PCDHA1: variants seen among roughly 807,000 people sequenced by gnomAD.
PCDHA1 encodes protocadherin alpha 1.
In PCDHA1, 42 loss-of-function variants were observed where a neutral mutation model predicts 61.3. The observed-to-expected ratio is 0.69, with a 90% CI of 0.54 to 0.89. The LOEUF (loss-of-function observed/expected upper bound fraction) is 0.89. Among genes scored for constraint, PCDHA1 ranks in the 40% least tolerant of loss-of-function variants. The pLI is 0.00. For missense variants in PCDHA1, 1,256 were observed against 1,235.3 expected, an observed-to-expected ratio of 1.02 and a Z score of -0.25; for synonymous variants, 610 against 553.8, an observed-to-expected ratio of 1.10 and a Z score of -1.43.
At chr5:140,921,777 C>G (rs1434211783) in intron 1 of PCDHA1, among the ~76,000 whole-genome samples, 1 of 152,030 alleles carries the variant, frequency 6.6e-6, no homozygotes, top group Non-Finnish European at 1.5e-5. Flanking sequence ...TCAATACTGA[C>G]TTGGATGTTC....
rs1255699815 is a variant in PCDHA1, at chr5:140,984,173, C to T, written c.2542+1610C>T. On this transcript the variant is annotated intron_variant, in intron 3 of 3. Transcript: ENST00000504120. The stretch of plus-strand genomic sequence containing the variant: ...AGGTGAGAACTTCCCAAAGAAGCCA[C>T]GTGAAATCATGACTTTCTACCTTGC... Among the ~76,000 whole-genome samples, 5 of 152,166 alleles carry T rather than the reference C, an allele frequency of 3.3e-5. No individual in the cohort carries two copies. The South Asian group carries it at 6.2e-4, about 19-fold the overall frequency.
chr5:140,854,230 A>G (rs2043046050), intron 1 of PCDHA1: 3 of 629,370 alleles, frequency 4.8e-6, no homozygotes, highest in Admixed American at 1.3e-4. Flanking sequence ...CTACATTGGG[A>G]TATTTATGTT....
At chr5:140,823,280 C>T (rs150026852) in intron 1 of PCDHA1, 1 of 1,612,450 alleles carries the variant, frequency 6.2e-7, no homozygotes, top group Non-Finnish European at 8.5e-7. Context: ...GGCGAGCGCC[C>T]GCTGTCGAGT....
intron 1 of PCDHA1, chr5:140,969,064 C>G: frequency 6.2e-7 from 1 of 1,614,136 alleles, no homozygotes; most frequent in Non-Finnish European, 8.5e-7. Context: ...ATATTGATGC[C>G]AGGATACCGC....
chr5:140,787,617 G>T lies in PCDHA1; in HGVS notation c.1327G>T (p.Val443Leu). 3 of 1,614,120 alleles carry T rather than the reference G, an allele frequency of 1.9e-6. No individual in the cohort carries two copies. The highest frequency in any genetic ancestry group is 2.5e-6 in the Non-Finnish European group (3 of 1,180,006). ...PSLWATARVSVEVADVNDNAP... is the reference protein window; with the variant it reads ...PSLWATARVSLEVADVNDNAP... Reference sequence around the variant, plus strand: ...GCTGTGGGCCACGGCCAGGGTGTCCGTGGAGGTGGCCGACGTGAATGACAA... The same window carrying T: ...GCTGTGGGCCACGGCCAGGGTGTCCTTGGAGGTGGCCGACGTGAATGACAA... The change falls in exon 1 of 4, where the codon GTG (valine) becomes TTG (leucine). Residue 443 changes from valine to leucine, a missense_variant. Physicochemically the swap from Val to Leu is conservative, Grantham distance 32. Coordinates refer to ENST00000504120, the MANE Select transcript of PCDHA1 (RefSeq NM_018900.4).
rs143144725 is a variant in PCDHA1 at position 140,850,029 on chromosome 5, G to A, written c.2394+61345G>A. Reference sequence around the variant, plus strand: ...GCTGTCGAGCTACGTGTCAGTGCACGCGGAGAGCGGCAAGGTGTACGCGCT... The same window carrying A: ...GCTGTCGAGCTACGTGTCAGTGCACACGGAGAGCGGCAAGGTGTACGCGCT... On this transcript the variant is annotated intron_variant, in intron 1 of 3. Coordinates refer to ENST00000504120, the MANE Select transcript of PCDHA1 (RefSeq NM_018900.4). 1.3e-4 allele frequency: 205 copies of A among 1,596,756 alleles called. 11 individuals carry two copies. In the African/African-American group the frequency reaches 2.2e-3, roughly 17 times the overall value.
chr5:140,869,428 A>T, intron 1 of PCDHA1: 1 of 1,614,214 alleles, frequency 6.2e-7, no homozygotes, highest in Non-Finnish European at 8.5e-7. Context: ...CCTGGAGGTG[A>T]TCGTGGACAG....
At chr5:140,883,018 G>A (rs1400637236) in intron 1 of PCDHA1, 4 of 1,614,086 alleles carry the variant, frequency 2.5e-6, no homozygotes, top group Admixed American at 1.7e-5. Flanking sequence ...ATAAAGTGAC[G>A]GTGTTAGAGA....
chr5:140,831,383 A>G (rs1416445825), intron 1 of PCDHA1, among the ~76,000 whole-genome samples: 1 of 151,732 alleles, frequency 6.6e-6, no homozygotes, highest in South Asian at 2.1e-4. Flanking sequence ...TGTGTGTGAC[A>G]GGGTCTTGCT....
intron 1 of PCDHA1, chr5:140,830,398 C>G: frequency 1.9e-6 from 3 of 1,614,184 alleles, no homozygotes; most frequent in Non-Finnish European, 2.5e-6. Context: ...AGATGGATCT[C>G]ATGGCCTTTA....
chr5:140,850,741 C>A, intron 1 of PCDHA1: 1 of 1,597,822 alleles, frequency 6.3e-7, no homozygotes, highest in Non-Finnish European at 8.6e-7. Context: ...GGGAGTTGGT[C>A]GTACTCGCAG....
At chr5:140,977,246 C>T (rs939682133) in intron 1 of PCDHA1, among the ~76,000 whole-genome samples, 1 of 152,172 alleles carries the variant, frequency 6.6e-6, no homozygotes, top group Non-Finnish European at 1.5e-5. Flanking sequence ...AAATTGGCAA[C>T]ATTTCTCAGC....
intron 1 of PCDHA1, chr5:140,801,886 T>A (rs1762805579): frequency 6.2e-7 from 1 of 1,614,152 alleles, no homozygotes; most frequent in East Asian, 2.2e-5. Context: ...CAACTAAAGA[T>A]CACTGTTTTA....
chr5:140,830,176 T>C, intron 1 of PCDHA1: 1 of 1,613,552 alleles, frequency 6.2e-7, no homozygotes, highest in Non-Finnish European at 8.5e-7. Context: ...CGCTGGTGGA[T>C]GTCAACGTGT....
intron 1 of PCDHA1, chr5:140,807,680 A>G (rs575783501): frequency 6.2e-7 from 1 of 1,614,200 alleles, no homozygotes; most frequent in Admixed American, 1.7e-5. Flanking sequence ...TATCGGGGAG[A>G]ACGCCCTGCT....
intron 1 of PCDHA1, chr5:140,883,519 C>G: frequency 6.2e-7 from 1 of 1,614,190 alleles, no homozygotes; most frequent in South Asian, 1.1e-5. Context: ...ACCGCGAGAG[C>G]GTATCAGCCT....
chr5:140,963,301 A>T (rs2095755158), intron 1 of PCDHA1, among the ~76,000 whole-genome samples: 1 of 152,238 alleles, frequency 6.6e-6, no homozygotes, highest in Non-Finnish European at 1.5e-5. Flanking sequence ...GAGAGAAAAT[A>T]AGAAGCTGTT....
At chr5:140,999,755 A>G (rs932293037) in intron 3 of PCDHA1, among the ~76,000 whole-genome samples, 1 of 152,168 alleles carries the variant, frequency 6.6e-6, no homozygotes, top group South Asian at 2.1e-4. Context: ...TTCGCAGCAC[A>G]TGATGTCTTT....
chr5:140,929,207 G>T (rs782298445), intron 1 of PCDHA1: 2 of 1,614,106 alleles, frequency 1.2e-6, no homozygotes, highest in Non-Finnish European at 1.7e-6. Flanking sequence ...TTGCTGTTGC[G>T]TGGGGAGTAC....
Sources: gnomAD v4.1 joint callset for allele counts (sites outside exome capture counted in the v4.1 genomes callset) on GRCh38, gnomAD v4.1.1 for gene constraint, MANE v1.5 for transcripts, NCBI Gene and HGNC (gene_info 2026-07-23, HGNC 2026-07-21) for gene names.